HSD17B2: variants seen among roughly 807,000 people sequenced by gnomAD.
HSD17B2 encodes the protein hydroxysteroid 17-beta dehydrogenase 2.
In HSD17B2, 32 loss-of-function variants were observed where a neutral mutation model predicts 26.9. The ratio of observed to expected loss-of-function variants is 1.19; its 90% confidence interval spans 0.90 to 1.60. The LOEUF (loss-of-function observed/expected upper bound fraction) is 1.60, where lower values mean the gene tolerates loss of function less well. Ranked by LOEUF, HSD17B2 falls within the 40% of genes most tolerant of loss-of-function variation. The pLI is 0.00. For synonymous variants in HSD17B2, 246 were observed against 186.7 expected, an observed-to-expected ratio of 1.32 and a Z score of -2.59; for missense variants, 613 against 468.6, an observed-to-expected ratio of 1.31 and a Z score of -2.85.
At chr16:82,092,407 G>A (rs1228948189) in intron 4 of HSD17B2, 1 of 152,154 alleles carries the variant, frequency 6.6e-6, no homozygotes. Flanking sequence ...TTCAAGTGAA[G>A]ATGTAAAAAG....
intron 3 of HSD17B2, among the ~76,000 whole-genome samples, chr16:82,079,175 T>C (rs1382666049): frequency 6.6e-6 from 1 of 152,050 alleles, no homozygotes; most frequent in Non-Finnish European, 1.5e-5. Context: ...CCACAAAATA[T>C]TAAACATTAA....
rs77183823 is a variant in HSD17B2 at position 82,082,781 on chromosome 16, G to A, written c.665-8121G>A. Among the ~76,000 whole-genome samples, 129 of 152,252 alleles carry A rather than the reference G, an allele frequency of 8.5e-4. 4 individuals carry two copies. The East Asian group carries it at 0.021, about 25-fold the overall frequency. On this transcript the variant is annotated intron_variant, in intron 3 of 4. Coordinates refer to ENST00000199936, the MANE Select transcript of HSD17B2 (RefSeq NM_002153.3). ...AATAAACATTAAGAGTTATTATGAAGGATCCATTACATTTCAGGCATTTGT... is the reference window on the plus strand; with the variant it reads ...AATAAACATTAAGAGTTATTATGAAAGATCCATTACATTTCAGGCATTTGT...
chr16:82,038,020 C>A (rs960477737), intron 1 of HSD17B2, among the ~76,000 whole-genome samples: 1 of 152,176 alleles, frequency 6.6e-6, no homozygotes, highest in African/African-American at 2.4e-5. Flanking sequence ...TCAAATTTCT[C>A]TGGTGTGATT....
At position 82,076,989 on chromosome 16, in the gene HSD17B2, T is replaced by C. The variant is rs183193908; in HGVS notation, c.664+5862T>C. The stretch of plus-strand genomic sequence containing the variant: ...AGTGAAAGATCTCTACAATGAAAAT[T>C]ATATAATATTGATGAAAGAAATTGA... On this transcript the variant is annotated intron_variant, in intron 3 of 4. Coordinates refer to ENST00000199936, the MANE Select transcript of HSD17B2 (RefSeq NM_002153.3). Among the ~76,000 whole-genome samples, 297 of 152,292 alleles carry C rather than the reference T, an allele frequency of 2.0e-3. 1 individual carries two copies. Among genetic ancestry groups the C allele is most frequent in the African/African-American group, 7.0e-3 (290 of 41,554 alleles).
At chr16:82,087,852 C>G (rs893600022) in intron 3 of HSD17B2, among the ~76,000 whole-genome samples, 1 of 151,972 alleles carries the variant, frequency 6.6e-6, no homozygotes, top group Non-Finnish European at 1.5e-5. Flanking sequence ...AGAAAGAGAG[C>G]GAAAGGGGGC....
intron 1 of HSD17B2, among the ~76,000 whole-genome samples, chr16:82,046,004 C>G (rs1315712859): frequency 2.6e-5 from 4 of 152,338 alleles, no homozygotes; most frequent in Non-Finnish European, 1.5e-5. Flanking sequence ...TGCATTGCCT[C>G]CTGAGTCCCC....
intron 2 of HSD17B2, 83 bp downstream of exon 2, chr16:82,068,465 C>T: frequency 1.8e-6 from 2 of 1,126,290 alleles, no homozygotes; most frequent in African/African-American, 3.1e-5. Context: ...ACATGCCCCC[C>T]CACTCCACTC....
intron 3 of HSD17B2, among the ~76,000 whole-genome samples, chr16:82,082,934 A>G (rs1157436977): frequency 6.6e-6 from 1 of 152,182 alleles, no homozygotes; most frequent in Non-Finnish European, 1.5e-5. Flanking sequence ...CTTGAACTTT[A>G]GTTTCATGTT....
intron 4 of HSD17B2, chr16:82,091,576 G>T: frequency 6.1e-6 from 1 of 163,070 alleles, no homozygotes. Context: ...GGGATGTCTT[G>T]GATAGAACAA....
At chr16:82,083,408 C>T (rs1012492030) in intron 3 of HSD17B2, among the ~76,000 whole-genome samples, 7 of 152,174 alleles carry the variant, frequency 4.6e-5, no homozygotes, top group Admixed American at 1.3e-4. Flanking sequence ...GGTTTTAATC[C>T]GGTCTCTACC....
intron 3 of HSD17B2, among the ~76,000 whole-genome samples, chr16:82,085,588 C>A (rs1429171138): frequency 6.6e-6 from 1 of 151,352 alleles, no homozygotes; most frequent in East Asian, 1.9e-4. Flanking sequence ...AAAAAAAAAA[C>A]CCTAACTCTG....
In HSD17B2 at chr16:82,097,208, ATGTC is replaced by A. The variant is rs1904865920; in HGVS notation, c.803-865_803-862del. On this transcript the variant is annotated intron_variant, in intron 4 of 4. Coordinates refer to ENST00000199936, the MANE Select transcript of HSD17B2 (RefSeq NM_002153.3). ...TGTGCCCAGCTAAATTTCTGTGTAT[ATGTC>A]TATGTCTATGTCTATGTCTATGTCT... 4 of 7,682 alleles carry A rather than the reference ATGTC, an allele frequency of 5.2e-4. No individual in the cohort carries two copies. The Admixed American group carries it at 8.1e-3, about 15-fold the overall frequency. 0.5% of individuals were successfully genotyped at this position (7,682 alleles called of 1,614,324 possible).
chr16:82,058,768 G>C (rs369420475), intron 1 of HSD17B2, among the ~76,000 whole-genome samples: 1 of 152,062 alleles, frequency 6.6e-6, no homozygotes, highest in Non-Finnish European at 1.5e-5. Flanking sequence ...CCTAAGTTAT[G>C]TTCCTATTAA....
chr16:82,088,089 T>A (rs765736630), intron 3 of HSD17B2, among the ~76,000 whole-genome samples: 1 of 152,174 alleles, frequency 6.6e-6, no homozygotes, highest in Non-Finnish European at 1.5e-5. Flanking sequence ...GTGACAAAAC[T>A]CTAATGTTCA....
intron 1 of HSD17B2, among the ~76,000 whole-genome samples, chr16:82,053,832 C>A (rs1426115015): frequency 1.3e-5 from 2 of 152,316 alleles, no homozygotes; most frequent in Admixed American, 1.3e-4. Context: ...TGGTACTGGA[C>A]TGGTAGAGCA....
At chr16:82,061,736 A>G (rs1048948465) in intron 1 of HSD17B2, among the ~76,000 whole-genome samples, 1 of 152,248 alleles carries the variant, frequency 6.6e-6, no homozygotes, top group Non-Finnish European at 1.5e-5. Flanking sequence ...GTTATGCAAT[A>G]TGGTGAGATT....
At chr16:82,081,185 A>G (rs1904369747) in intron 3 of HSD17B2, among the ~76,000 whole-genome samples, 1 of 152,214 alleles carries the variant, frequency 6.6e-6, no homozygotes, top group South Asian at 2.1e-4. Flanking sequence ...TGTGCAGAAT[A>G]GAAGAAAAAA....
intron 4 of HSD17B2, 62 bp from the exon 5 acceptor site, chr16:82,098,013 G>C (rs537404533): frequency 6.5e-6 from 10 of 1,531,770 alleles, no homozygotes; most frequent in African/African-American, 4.2e-5. Flanking sequence ...AGAGACAAGC[G>C]CCTGCTCCCT....
At chr16:82,087,222 T>C (rs1904553144) in intron 3 of HSD17B2, among the ~76,000 whole-genome samples, 1 of 152,164 alleles carries the variant, frequency 6.6e-6, no homozygotes, top group Non-Finnish European at 1.5e-5. Flanking sequence ...TACAACATTG[T>C]GCCAATAGTT....
Sources: allele counts gnomAD v4.1 joint callset (sites outside exome capture counted in the v4.1 genomes callset), GRCh38; gene constraint gnomAD v4.1.1; transcripts MANE v1.5; gene names NCBI Gene and HGNC (gene_info 2026-07-23, HGNC 2026-07-21).